ASTN1: variants seen among roughly 807,000 people sequenced by gnomAD.
ASTN1 encodes the protein astrotactin-1.
Under a neutral mutation model 140.7 loss-of-function variants are expected in ASTN1, and 41 were observed. That is an observed-to-expected ratio of 0.29 (90% CI 0.23 to 0.38). ASTN1 has a LOEUF of 0.38. Among genes scored for constraint, ASTN1 ranks in the 10% least tolerant of loss-of-function variants. ASTN1 has a pLI of 1.00. For missense variants in ASTN1, 1,479 were observed against 1,678.8 expected (o/e 0.88, Z 2.08); for synonymous variants, 640 against 652.2 (o/e 0.98, Z 0.29).
In ASTN1 at chr1:176,958,480, A is replaced by G; in HGVS notation, c.1601T>C (p.Phe534Ser). The G allele has an allele frequency of 6.2e-7, 1 of 1,609,466 alleles. No individual in the cohort carries two copies. ...CATGCCCTCCCCAAGAGTGTAGGTG[A>G]ATCTGCAGGGACACCCAGTGCCAGG... ...GEQPSDKIFR[F>S]TYTLGEGMWL... The change falls in exon 10 of 23, where the codon TTC becomes TCC. Residue 534 changes from phenylalanine (F) to serine (S), a missense_variant and splice_region_variant. Transcript: ENST00000361833.
At chr1:176,923,146 A>T (rs1364030441) in intron 16 of ASTN1, among the ~76,000 whole-genome samples, 3 of 152,190 alleles carry the variant, frequency 2.0e-5, no homozygotes, top group Non-Finnish European at 2.9e-5. Flanking sequence ...AAACAACTAC[A>T]TTCAACTACT....
intron 16 of ASTN1, among the ~76,000 whole-genome samples, chr1:176,914,567 C>T (rs1418849240): frequency 1.3e-5 from 2 of 152,142 alleles, no homozygotes; most frequent in African/African-American, 4.8e-5. Context: ...AAGAACCAGT[C>T]CAGGAATTTT....
At position 176,934,335 on chromosome 1, in the gene ASTN1, T is replaced by C. The variant is rs767036358; in HGVS notation, c.2488A>G (p.Ser830Gly). Residue 830 changes from serine to glycine, a missense_variant, in exon 16 of 23, where the codon AGC (serine) becomes GGC (glycine). Physicochemically the swap from Ser to Gly is moderately conservative, Grantham distance 56. Coordinates refer to ENST00000361833, the MANE Select transcript of ASTN1 (RefSeq NM_004319.3). ...CCATCCAGCGAGTGGAGAGCATTGC[T>C]GAGGGCTATGGAGAGGCATCACCCA... ...LNQVAISQALSNALHSLDGAT... is the reference protein window; with the variant it reads ...LNQVAISQALGNALHSLDGAT... 3 of 1,610,044 alleles carry C rather than the reference T, an allele frequency of 1.9e-6. No homozygotes were observed. In the South Asian group the frequency reaches 3.3e-5, roughly 18 times the overall value.
intron 9 of ASTN1, among the ~76,000 whole-genome samples, chr1:176,964,058 A>T (rs1032976938): frequency 6.6e-6 from 1 of 152,222 alleles, no homozygotes; most frequent in African/African-American, 2.4e-5. Context: ...GGCTAAGCTG[A>T]GTCCACCCCG....
In ASTN1 at chr1:177,116,359, T is replaced by C. The variant is rs114628297; in HGVS notation, c.283+48035A>G. Among the ~76,000 whole-genome samples, 795 of 152,304 alleles carry C rather than the reference T, an allele frequency of 5.2e-3. 8 individuals carry two copies. Among genetic ancestry groups the C allele is most frequent in the African/African-American group, 0.018 (733 of 41,564 alleles). Reference sequence around the variant, plus strand: ...ACAGATGTATTATTTTATGTGTAGATGACAACACATGTTTCATAATACCTC... The same window carrying C: ...ACAGATGTATTATTTTATGTGTAGACGACAACACATGTTTCATAATACCTC... On this transcript the variant is annotated intron_variant, in intron 1 of 22. Coordinates refer to ENST00000361833, the MANE Select transcript of ASTN1 (RefSeq NM_004319.3).
At chr1:177,071,406 A>G (rs968391538) in intron 1 of ASTN1, among the ~76,000 whole-genome samples, 2 of 152,228 alleles carry the variant, frequency 1.3e-5, no homozygotes, top group African/African-American at 2.4e-5. Flanking sequence ...CAATATTAAA[A>G]TAACAGTTAT....
At chr1:177,094,591 G>A (rs1281207738) in intron 1 of ASTN1, among the ~76,000 whole-genome samples, 1 of 152,148 alleles carries the variant, frequency 6.6e-6, no homozygotes, top group Non-Finnish European at 1.5e-5. Context: ...CCAGCCTCTG[G>A]AACTGTGAGA....
In ASTN1 at chr1:176,868,944, G is replaced by T. The variant is rs1668232600; in HGVS notation, c.3547C>A (p.Leu1183Met). The T allele has an allele frequency of 9.3e-6, 15 of 1,613,126 alleles. No individual in the cohort carries two copies. Among genetic ancestry groups the T allele is most frequent in the Non-Finnish European group, 1.1e-5 (13 of 1,179,324 alleles). The change falls in exon 22 of 23, where the codon CTG (leucine) becomes ATG (methionine). Residue 1183 changes from leucine (L) to methionine (M), a missense_variant. By Grantham distance (15) the Leu-to-Met change is conservative (BLOSUM62 2). Transcript: ENST00000361833. ...ACCCGGTGTAAGGTGGGGGAACCCA[G>T]ATCCAGGAGGGTGTTGTAGGCGGTC... ...QQTAYNTLLDLGSPTLHRVLY... is the reference protein window; with the variant it reads ...QQTAYNTLLDMGSPTLHRVLY...
rs1402231901 is a variant in ASTN1 at position 176,901,104 on chromosome 1, G to A, written c.2672-6274C>T. ...AATTCGTCTGGGGCATTGCTGTTCT[G>A]GGTTCTTTTGAGATGCTCTGGGTTC... On this transcript the variant is annotated intron_variant, in intron 16 of 22. Coordinates refer to ENST00000361833, the MANE Select transcript of ASTN1 (RefSeq NM_004319.3). 2.0e-5 allele frequency among the ~76,000 whole-genome samples: 3 copies of A among 152,124 alleles called. No individual in the cohort carries two copies. In the East Asian group the frequency reaches 5.8e-4, roughly 29 times the overall value.
At chr1:177,058,977 C>T (rs557410252) in intron 2 of ASTN1, among the ~76,000 whole-genome samples, 102 of 152,284 alleles carry the variant, frequency 6.7e-4, no homozygotes, top group African/African-American at 2.4e-3. Flanking sequence ...TGCAGATTCT[C>T]GCACTATGCC....
downstream of ASTN1, among the ~76,000 whole-genome samples, chr1:176,857,864 A>T (rs1667860690): frequency 6.6e-6 from 1 of 152,206 alleles, no homozygotes; most frequent in Non-Finnish European, 1.5e-5. Flanking sequence ...TGGGCACTTA[A>T]GTCCTTCCAA....
At chr1:176,903,478 T>G (rs2103050014) in intron 16 of ASTN1, among the ~76,000 whole-genome samples, 1 of 152,302 alleles carries the variant, frequency 6.6e-6, no homozygotes, top group South Asian at 2.1e-4. Context: ...CCCCTCTGCA[T>G]GTCCTTAGAG....
intron 8 of ASTN1, among the ~76,000 whole-genome samples, chr1:176,974,599 T>C (rs1487753866): frequency 6.6e-6 from 1 of 152,002 alleles, no homozygotes; most frequent in Non-Finnish European, 1.5e-5. Context: ...ATTGGCCAGG[T>C]TGGTCTCGAA....
At chr1:176,917,760 G>A (rs1373722821) in intron 16 of ASTN1, among the ~76,000 whole-genome samples, 1 of 152,042 alleles carries the variant, frequency 6.6e-6, no homozygotes, top group African/African-American at 2.4e-5. Context: ...CCTCACATCT[G>A]GGACAGCACA....
intron 2 of ASTN1, among the ~76,000 whole-genome samples, chr1:177,038,407 G>A (rs1318477744): frequency 6.6e-6 from 1 of 152,060 alleles, no homozygotes; most frequent in Non-Finnish European, 1.5e-5. Context: ...CGCAGCGCCT[G>A]GCATAAAGCA....
At chr1:176,906,334 G>A (rs1669997991) in intron 16 of ASTN1, among the ~76,000 whole-genome samples, 1 of 152,184 alleles carries the variant, frequency 6.6e-6, no homozygotes, top group Non-Finnish European at 1.5e-5. Flanking sequence ...TCCAAAGAGA[G>A]AAATGATGAG....
At chr1:177,099,970 C>T (rs977013030) in intron 1 of ASTN1, among the ~76,000 whole-genome samples, 3 of 152,158 alleles carry the variant, frequency 2.0e-5, no homozygotes, top group Admixed American at 6.5e-5. Context: ...GGCTCTTACA[C>T]GTCAGGGAAC....
At chr1:177,119,146 A>T (rs1320074969) in intron 1 of ASTN1, among the ~76,000 whole-genome samples, 1 of 152,080 alleles carries the variant, frequency 6.6e-6, no homozygotes, top group Non-Finnish European at 1.5e-5. Flanking sequence ...ATGGCATGGT[A>T]ACTTTTTGTT....
At chr1:177,110,494 C>T (rs552848288) in intron 1 of ASTN1, among the ~76,000 whole-genome samples, 1 of 152,218 alleles carries the variant, frequency 6.6e-6, no homozygotes, top group East Asian at 1.9e-4. Flanking sequence ...CCTGTCTTTT[C>T]CAGCGATGCT....
Sources: gnomAD v4.1 joint callset for allele counts (sites outside exome capture counted in the v4.1 genomes callset) on GRCh38, gnomAD v4.1.1 for gene constraint, MANE v1.5 for transcripts, NCBI Gene and HGNC (gene_info 2026-07-23, HGNC 2026-07-21) for gene names.